Variants in STARD10 observed in about 807,000 individuals in gnomAD.
STARD10 encodes StAR related lipid transfer domain containing 10, also known as START domain-containing protein 10.
Under a neutral mutation model 36.0 loss-of-function variants are expected in STARD10, and 24 were observed. The ratio of observed to expected loss-of-function variants is 0.67; its 90% CI spans 0.48 to 0.94. The LOEUF is 0.94. Ranked by LOEUF, STARD10 falls within the 40% of genes least tolerant of loss-of-function variation. The pLI is 0.00. For missense variants in STARD10, 335 were observed against 396.6 expected (o/e 0.84, Z 1.32); for synonymous variants, 156 against 161.9 (o/e 0.96, Z 0.28).
chr11:72,765,095 C>G (rs1363109217), intron 2 of STARD10, among the ~76,000 whole-genome samples: 1 of 152,142 alleles, frequency 6.6e-6, no homozygotes, highest in African/African-American at 2.4e-5. Flanking sequence ...TGAAGAAACC[C>G]CATCTCTACT....
At chr11:72,765,022 C>T (rs1249735161) in intron 2 of STARD10, among the ~76,000 whole-genome samples, 1 of 152,234 alleles carries the variant, frequency 6.6e-6, no homozygotes, top group Non-Finnish European at 1.5e-5. Context: ...AATCCTAGCA[C>T]TTCGGGAGGC....
Position 72,774,168 on chromosome 11 carries a change from T to C in STARD10, c.207+6807A>G, listed in dbSNP as rs566137358. The stretch of plus-strand genomic sequence containing the variant: ...GGTGGTAACAAAACCCAAGGATGAG[T>C]AAATGGCTCAGGCACCAAAGGGGAG... On this transcript the variant is annotated intron_variant, in intron 2 of 6. Transcript: ENST00000334805. Among the ~76,000 whole-genome samples, 4 of 151,814 alleles carry C rather than the reference T, an allele frequency of 2.6e-5. 1 individual carries two copies. The highest frequency in any genetic ancestry group is 9.7e-5 in the African/African-American group (4 of 41,292).
chr11:72,773,064 G>A (rs988624928), intron 2 of STARD10, among the ~76,000 whole-genome samples: 2 of 152,230 alleles, frequency 1.3e-5, no homozygotes, highest in African/African-American at 4.8e-5. Context: ...TGGGTGGGAG[G>A]CATGAGAAGA....
chr11:72,772,508 C>T (rs922466225), intron 2 of STARD10, among the ~76,000 whole-genome samples: 2 of 152,164 alleles, frequency 1.3e-5, no homozygotes, highest in East Asian at 1.9e-4. Context: ...TCCCAGCAGC[C>T]CCTCTTCACT....
At chr11:72,765,578 T>C (rs1858776540) in intron 2 of STARD10, among the ~76,000 whole-genome samples, 1 of 152,194 alleles carries the variant, frequency 6.6e-6, no homozygotes. Context: ...GGAGTCTTCA[T>C]TTCCTCATGT....
chr11:72,791,760 AC>A (rs1043155997), intron 1 of STARD10, among the ~76,000 whole-genome samples: 1 of 152,066 alleles, frequency 6.6e-6, no homozygotes, highest in Admixed American at 6.5e-5. Flanking sequence ...TGGCTGAAAA[AC>A]AGAAATGATA....
chr11:72,769,626 G>T (rs1029225365), intron 2 of STARD10, among the ~76,000 whole-genome samples: 1 of 151,986 alleles, frequency 6.6e-6, no homozygotes, highest in Non-Finnish European at 1.5e-5. Flanking sequence ...TTGCAGGTGT[G>T]AGCCACTGCA....
chr11:72,768,369 T>C (rs922530584), intron 2 of STARD10, among the ~76,000 whole-genome samples: 5 of 152,160 alleles, frequency 3.3e-5, no homozygotes, highest in African/African-American at 4.8e-5. Flanking sequence ...GCCAAGCTGA[T>C]GGAGCACCTG....
At chr11:72,785,644 C>T (rs866594427) in intron 1 of STARD10, among the ~76,000 whole-genome samples, 3 of 152,040 alleles carry the variant, frequency 2.0e-5, no homozygotes, top group Middle Eastern at 3.4e-3. Context: ...TCCTCCCACC[C>T]CGTATTACAT....
intron 2 of STARD10, among the ~76,000 whole-genome samples, chr11:72,762,151 C>A (rs1160081058): frequency 1.3e-5 from 2 of 151,794 alleles, no homozygotes; most frequent in African/African-American, 2.4e-5. Flanking sequence ...GTCTCAAACT[C>A]CTGACCTCAG....
intron 2 of STARD10, among the ~76,000 whole-genome samples, chr11:72,765,566 T>C (rs184751800): frequency 9.9e-5 from 15 of 152,268 alleles, no homozygotes; most frequent in Middle Eastern, 3.4e-3. Context: ...AGTTAATGCT[T>C]AGGAGTCTTC....
At chr11:72,776,231 C>T (rs968516390) in intron 2 of STARD10, among the ~76,000 whole-genome samples, 1 of 152,180 alleles carries the variant, frequency 6.6e-6, no homozygotes, top group Admixed American at 6.5e-5. Flanking sequence ...GCAGGGCAGC[C>T]TCCCCTACGC....
chr11:72,781,070 C>A lies in STARD10; in HGVS notation c.112G>T (p.Glu38Ter). The change falls in exon 2 of 7, where the codon GAG becomes TAG. Residue 38 changes from glutamate (E) to a stop codon, truncating the protein, a stop_gained. Coordinates refer to ENST00000334805, the MANE Select transcript of STARD10 (RefSeq NM_006645.3). LOFTEE classifies it high-confidence loss of function. The surrounding 1 kb of genome is among the most constrained non-coding windows in gnomAD (Gnocchi z 4.7). ...QDFRSFRSEC[E>*]AEVGWNLTYS... The stretch of plus-strand genomic sequence containing the variant: ...GTCAGGTTCCAGCCCACCTCAGCCT[C>A]ACACTCTGACCGGAAGCTGCGAAAG... The A allele has an allele frequency of 1.2e-6, 2 of 1,614,162 alleles. No homozygotes were observed. The highest frequency in any genetic ancestry group is 1.7e-6 in the Non-Finnish European group (2 of 1,180,040).
At position 72,755,088 on chromosome 11, in the gene STARD10, G is replaced by A; in HGVS notation, c.685C>T (p.His229Tyr). The A allele has an allele frequency of 6.2e-7, 1 of 1,613,432 alleles. No individual in the cohort carries two copies. Among genetic ancestry groups the A allele is most frequent in the Non-Finnish European group, 8.5e-7 (1 of 1,179,792 alleles). Residue 229 changes from histidine (H) to tyrosine (Y), a missense_variant, in exon 7 of 7, where the codon CAC (histidine) becomes TAC (tyrosine). His to Tyr is a moderately conservative substitution (Grantham distance 83). Transcript: ENST00000334805. ...CLKYPEWKQKHLPHFKPWLHP... is the reference protein window; with the variant it reads ...CLKYPEWKQKYLPHFKPWLHP... The stretch of plus-strand genomic sequence containing the variant: ...AGCCACGGCTTGAAGTGAGGCAGGT[G>A]CTTCTGTTTCCACTCGGGGTACTTG...
At chr11:72,758,775 G>C (rs572962840) in intron 3 of STARD10, 142 bp from the exon 4 acceptor site, 2 of 628,474 alleles carry the variant, frequency 3.2e-6, no homozygotes, top group Middle Eastern at 4.2e-4. Flanking sequence ...CCAGACCACA[G>C]TCCCACAGCT....
chr11:72,771,214 G>A (rs536014737), intron 2 of STARD10, among the ~76,000 whole-genome samples: 4 of 152,286 alleles, frequency 2.6e-5, no homozygotes, highest in Admixed American at 6.5e-5. Flanking sequence ...AGGACCCAAG[G>A]AATCAGGTGG....
chr11:72,772,529 G>A (rs1052316657), intron 2 of STARD10, among the ~76,000 whole-genome samples: 1 of 152,150 alleles, frequency 6.6e-6, no homozygotes, highest in Non-Finnish European at 1.5e-5. Context: ...GCCCAGACAG[G>A]CCTCACCATC....
intron 1 of STARD10, among the ~76,000 whole-genome samples, chr11:72,783,793 A>G (rs980206621): frequency 3.3e-5 from 5 of 152,160 alleles, no homozygotes; most frequent in Non-Finnish European, 5.9e-5. Context: ...GGTAAAAAAG[A>G]CAAGGCCAGG....
chr11:72,780,645 C>T (rs903663954), intron 2 of STARD10: 1 of 415,090 alleles, frequency 2.4e-6, no homozygotes, highest in Non-Finnish European at 4.6e-6. Context: ...CAGGTGCAGG[C>T]TTCCCCAGCA....
Sources: gnomAD v4.1 joint callset for allele counts (sites outside exome capture counted in the v4.1 genomes callset) on GRCh38, gnomAD v4.1.1 for gene constraint, Gnocchi (gnomAD v3.1) non-coding constraint, MANE v1.5 for transcripts, NCBI Gene and HGNC (gene_info 2026-07-23, HGNC 2026-07-21) for gene names.